WWOX: variants seen among roughly 807,000 people sequenced by gnomAD.
WWOX encodes WW domain containing oxidoreductase.
Under a neutral mutation model 46.2 loss-of-function variants are expected in WWOX, and 69 were observed. The ratio of observed to expected loss-of-function variants is 1.49; its 90% CI spans 1.23 to 1.82. The LOEUF is 1.82. Ranked by LOEUF, WWOX falls within the 40% of genes most tolerant of loss-of-function variation. The pLI is 0.00. For synonymous variants in WWOX, 359 were observed against 202.6 expected, an observed-to-expected ratio of 1.77 and a Z score of -6.56; for missense variants, 919 against 542.6, an observed-to-expected ratio of 1.69 and a Z score of -6.89.
At chr16:78,412,970 T>C (rs1365928369) in intron 6 of WWOX, among the ~76,000 whole-genome samples, 1 of 152,234 alleles carries the variant, frequency 6.6e-6, no homozygotes, top group Non-Finnish European at 1.5e-5. Flanking sequence ...TTCCTTCTGT[T>C]CTGATTTTTC....
intron 6 of WWOX, 56 bp from the exon 7 acceptor site, chr16:78,424,814 A>G (rs1314377226): frequency 2.5e-6 from 4 of 1,601,800 alleles, no homozygotes; most frequent in South Asian, 1.1e-5. Flanking sequence ...AGGAGCATGG[A>G]TTATCCTTGG....
chr16:78,597,949 CG>C lies in WWOX; in HGVS notation c.1056+165199del, dbSNP rs538649693. ...TGAGTTATGTTTGGGTCATGTTTTG[CG>C]GTATGCCCTTTAATAGTGTAGCTTT... On this transcript the variant is annotated intron_variant, in intron 8 of 8. Coordinates refer to ENST00000566780, the MANE Select transcript of WWOX (RefSeq NM_016373.4). 3.3e-5 allele frequency among the ~76,000 whole-genome samples: 5 copies of C among 152,006 alleles called. No individual in the cohort carries two copies. The South Asian group carries it at 1.0e-3, about 32-fold the overall frequency.
intron 5 of WWOX, among the ~76,000 whole-genome samples, chr16:78,199,048 T>A (rs2036147604): frequency 6.6e-6 from 1 of 152,082 alleles, no homozygotes; most frequent in Non-Finnish European, 1.5e-5. Flanking sequence ...TAGCCATAAT[T>A]AAATCTCCCA....
intron 8 of WWOX, among the ~76,000 whole-genome samples, chr16:78,824,239 A>G (rs929634504): frequency 1.3e-5 from 2 of 152,212 alleles, no homozygotes; most frequent in African/African-American, 2.4e-5. Context: ...AGACACATTT[A>G]GATGCTTCAT....
chr16:78,684,879 T>C (rs1025729625), intron 8 of WWOX, among the ~76,000 whole-genome samples: 1 of 152,188 alleles, frequency 6.6e-6, no homozygotes, highest in Non-Finnish European at 1.5e-5. Context: ...ACTCCTTTTA[T>C]AGTCAGAGCA....
At chr16:78,106,098 C>G (rs567234555) in intron 1 of WWOX, among the ~76,000 whole-genome samples, 8 of 152,128 alleles carry the variant, frequency 5.3e-5, no homozygotes, top group African/African-American at 1.7e-4. Context: ...CACCGTACCC[C>G]GCCACTCCAT....
intron 5 of WWOX, among the ~76,000 whole-genome samples, chr16:78,235,461 A>AC (rs2037404367): frequency 6.6e-6 from 1 of 151,652 alleles, no homozygotes; most frequent in Non-Finnish European, 1.5e-5. Flanking sequence ...GGACAGCAGA[A>AC]CCCTGACAAT....
At chr16:78,482,831 C>T (rs937312501) in intron 8 of WWOX, among the ~76,000 whole-genome samples, 2 of 152,192 alleles carry the variant, frequency 1.3e-5, no homozygotes, top group East Asian at 1.9e-4. Context: ...ATCTATCTCA[C>T]TCATCTGCCT....
At chr16:78,727,305 A>G (rs2048859246) in intron 8 of WWOX, among the ~76,000 whole-genome samples, 1 of 152,212 alleles carries the variant, frequency 6.6e-6, no homozygotes, top group Non-Finnish European at 1.5e-5. Context: ...AGGCTGAGGC[A>G]GGAGAATCAC....
At chr16:79,128,339 TAA>T (rs5818202) in intron 8 of WWOX, among the ~76,000 whole-genome samples, 7 of 148,082 alleles carry the variant, frequency 4.7e-5, no homozygotes, top group Admixed American at 2.7e-4. Flanking sequence ...AGCTAAGAGT[TAA>T]AAAAAAAATA....
At chr16:78,519,321 G>A (rs367947392) in intron 8 of WWOX, among the ~76,000 whole-genome samples, 3 of 152,122 alleles carry the variant, frequency 2.0e-5, no homozygotes, top group Admixed American at 6.5e-5. Flanking sequence ...CAGTAAGCAT[G>A]TTGCTCTGGT....
At chr16:78,991,781 T>C (rs1222044977) in intron 8 of WWOX, among the ~76,000 whole-genome samples, 2 of 152,064 alleles carry the variant, frequency 1.3e-5, no homozygotes, top group Non-Finnish European at 2.9e-5. Context: ...ATTTCCGTGT[T>C]CCCATAAGCT....
chr16:78,414,885 A>G (rs1431413260), intron 6 of WWOX, among the ~76,000 whole-genome samples: 2 of 152,232 alleles, frequency 1.3e-5, no homozygotes, highest in East Asian at 1.9e-4. Context: ...ACGGGTCCCA[A>G]TCTAGACCCC....
intron 8 of WWOX, among the ~76,000 whole-genome samples, chr16:78,510,478 G>T (rs752784878): frequency 1.3e-5 from 2 of 152,132 alleles, no homozygotes; most frequent in South Asian, 2.1e-4. Flanking sequence ...CTCCCAAAGT[G>T]CTGGGATTAC....
At chr16:78,261,429 A>T (rs942936295) in intron 5 of WWOX, among the ~76,000 whole-genome samples, 1 of 150,570 alleles carries the variant, frequency 6.6e-6, no homozygotes, top group Non-Finnish European at 1.5e-5. Flanking sequence ...TAAATAAATA[A>T]ATAAATATTT....
intron 8 of WWOX, among the ~76,000 whole-genome samples, chr16:79,051,720 G>C (rs12934292): frequency 0.2 from 29,782 of 152,202 alleles, 3,171 homozygotes; most frequent in East Asian, 0.34. Context: ...GGTTCCTCTT[G>C]AAAGAATTTC....
chr16:78,790,598 G>T (rs1470698089), intron 8 of WWOX, among the ~76,000 whole-genome samples: 1 of 152,184 alleles, frequency 6.6e-6, no homozygotes, highest in Admixed American at 6.5e-5. Flanking sequence ...GAAAAGAGGA[G>T]CCTGTTTTCT....
chr16:78,929,168 T>C (rs2045565493), intron 8 of WWOX, among the ~76,000 whole-genome samples: 1 of 152,196 alleles, frequency 6.6e-6, no homozygotes, highest in Non-Finnish European at 1.5e-5. Context: ...TGGGGGTGAT[T>C]TTCAGACCGT....
At chr16:78,179,007 G>A (rs547547630) in intron 5 of WWOX, among the ~76,000 whole-genome samples, 21 of 152,306 alleles carry the variant, frequency 1.4e-4, no homozygotes, top group Admixed American at 1.2e-3. Context: ...TGGAGGAGAA[G>A]CCAGGGCACT....
Sources: allele counts gnomAD v4.1 joint callset (sites outside exome capture counted in the v4.1 genomes callset), GRCh38; gene constraint gnomAD v4.1.1; transcripts MANE v1.5; gene names NCBI Gene and HGNC (gene_info 2026-07-23, HGNC 2026-07-21).